The following LRRC32 variants were observed in gnomAD, a reference collection of about 807,000 sequenced individuals.
The protein encoded by LRRC32 is leucine rich repeat containing 32.
A neutral mutation model predicts 15.0 loss-of-function variants in LRRC32; 5 were observed. That is an observed-to-expected ratio of 0.33 (90% CI 0.17 to 0.70). LRRC32 has a LOEUF of 0.70. Ranked by LOEUF, LRRC32 falls within the 30% of genes least tolerant of loss-of-function variation. The pLI, the probability that LRRC32 is intolerant of heterozygous loss-of-function variation, is 0.66. For synonymous variants in LRRC32, 391 were observed against 403.9 expected (o/e 0.97, Z 0.38); for missense variants, 803 against 854.2 (o/e 0.94, Z 0.75).
At chr11:76,665,707 A>C in intron 2 of LRRC32, 164 bp downstream of exon 2, 2 of 474,958 alleles carry the variant, frequency 4.2e-6, no homozygotes, top group Non-Finnish European at 5.5e-6. Flanking sequence ...GACTGTGGGT[A>C]AATAAGGTGT....
In LRRC32 at chr11:76,659,963, G is replaced by T. The variant is rs369867819; in HGVS notation, c.1630C>A (p.Arg544=). ...GGCAGGAGGCTGAAGCTGTTGTTTC[G>T]CAGGTCCAGCACCTCCAGTGACACA... ...QAVSLEVLDL[R]NNSFSLLPGS... Residue 544 remains arginine (R), a synonymous_variant, in exon 3 of 3, where the codon CGA becomes AGA. Transcript: ENST00000260061. 1 of 1,614,040 alleles carries T rather than the reference G, an allele frequency of 6.2e-7. No homozygotes were observed. Among genetic ancestry groups the T allele is most frequent in the Non-Finnish European group, 8.5e-7 (1 of 1,180,048 alleles).
intron 1 of LRRC32, among the ~76,000 whole-genome samples, chr11:76,667,725 C>A (rs1952648327): frequency 6.6e-6 from 1 of 152,264 alleles, no homozygotes; most frequent in South Asian, 2.1e-4. Flanking sequence ...CCGGCAGGGC[C>A]TTCCAGGCCA....
At chr11:76,663,434 G>C (rs1590768059) in intron 2 of LRRC32, 1 of 152,232 alleles carries the variant, frequency 6.6e-6, no homozygotes, top group African/African-American at 2.4e-5. Flanking sequence ...AAGCCGGTGT[G>C]TTCCTCCCCT....
rs1260774734 is a variant in LRRC32, at chr11:76,661,427, G to A, written c.166C>T (p.Leu56=). The stretch of plus-strand genomic sequence containing the variant: ...ATACTCCGCAGCTGGTTCCCAGATA[G>A]ATCAAGGGTCTCAGTGTCTGGCGGG... ...VLPPDTETLD[L]SGNQLRSILA... is the part of the protein sequence containing the mutation. Residue 56 remains leucine, a synonymous_variant, in exon 3 of 3, where the codon CTA becomes TTA. Transcript: ENST00000260061. 6.8e-6 allele frequency: 11 copies of A among 1,614,022 alleles called. No homozygotes were observed. The highest frequency in any genetic ancestry group is 8.5e-6 in the Non-Finnish European group (10 of 1,179,920).
intron 2 of LRRC32, among the ~76,000 whole-genome samples, chr11:76,665,130 T>C (rs559251027): frequency 6.6e-6 from 1 of 152,342 alleles, no homozygotes; most frequent in Non-Finnish European, 1.5e-5. Flanking sequence ...ACAAGAACTT[T>C]AGGGCTAGTT....
In LRRC32 at chr11:76,661,440, A is replaced by G. The variant is rs1952530941; in HGVS notation, c.153T>C (p.Thr51=). The G allele has an allele frequency of 1.3e-6, 2 of 1,521,714 alleles. No individual in the cohort carries two copies. The highest frequency in any genetic ancestry group is 3.5e-5 in the Admixed American group (2 of 56,770). 94.3% of individuals were successfully genotyped at this position (1,521,714 alleles called of 1,614,324 possible). The stretch of plus-strand genomic sequence containing the variant: ...GGTTCCCAGATAGATCAAGGGTCTC[A>G]GTGTCTGGCGGGAGCACCGAGGGGA... ...LQVPSVLPPD[T]ETLDLSGNQL... Residue 51 remains threonine (T), a synonymous_variant, in exon 3 of 3, where the codon ACT becomes ACC. Coordinates refer to ENST00000260061, the MANE Select transcript of LRRC32 (RefSeq NM_001128922.2).
In LRRC32 at chr11:76,661,659, C is replaced by T. The variant is rs1332391316; in HGVS notation, c.85-151G>A. ...CAACTTTCCCCCACCGCAGCCTGAT[C>T]ACCCCATGCCTGGATGACCCATCCG... On this transcript the variant is annotated intron_variant, in intron 2 of 2. Coordinates refer to ENST00000260061, the MANE Select transcript of LRRC32 (RefSeq NM_001128922.2). 3.4e-5 allele frequency: 45 copies of T among 1,341,504 alleles called. 1 individual carries two copies. The highest frequency in any genetic ancestry group is 2.5e-5 in the East Asian group (1 of 39,542). The allele number at this position is 1,341,504 out of a possible 1,614,324, so 83.1% of individuals were successfully genotyped here.
Position 76,660,576 on chromosome 11 carries a change from G to C in LRRC32, c.1017C>G (p.Thr339=). ...TGCTGAGGTTCAGGAAGCACAGGGA[G>C]GTCAGGTGCTCAAGAAAGCTGTCGG... ...LIPDSFLEHL[T]SLCFLNLSRN... is the part of the protein sequence containing the mutation. Residue 339 remains threonine, a synonymous_variant, in exon 3 of 3, where the codon ACC becomes ACG. Transcript: ENST00000260061. 6.2e-7 allele frequency: 1 copy of C among 1,614,202 alleles called. No individual in the cohort carries two copies.
rs200264908 is a variant in LRRC32 at position 76,660,273 on chromosome 11, G to A, written c.1320C>T (p.Ser440=). 3.6e-4 allele frequency: 563 copies of A among 1,578,526 alleles called. 12 individuals are homozygous for A. The South Asian group carries it at 5.1e-3, about 14-fold the overall frequency. ...EPGPSGCVAF[S]GITSLRSLSL... ...TCAGGCTGCGGAGGGAGGTGATGCC[G>A]GAGAAGGCCACACAGCCGGAGGGGC... The change falls in exon 3 of 3, where the codon TCC becomes TCT. Residue 440 remains serine (S), a synonymous_variant. Coordinates refer to ENST00000260061, the MANE Select transcript of LRRC32 (RefSeq NM_001128922.2).
intron 1 of LRRC32, 89 bp from the exon 2 acceptor site, chr11:76,666,047 C>T: frequency 8.2e-7 from 1 of 1,215,164 alleles, no homozygotes; most frequent in Non-Finnish European, 1.2e-6. Context: ...TCTGTGCCTG[C>T]CCTCAGGGAA....
intron 2 of LRRC32, among the ~76,000 whole-genome samples, chr11:76,665,001 C>G (rs1273077809): frequency 1.3e-5 from 2 of 152,260 alleles, no homozygotes; most frequent in Non-Finnish European, 2.9e-5. Flanking sequence ...CTTCGAGTCT[C>G]AGGTCCAAGA....
chr11:76,661,895 A>T (rs1952541947), intron 2 of LRRC32, among the ~76,000 whole-genome samples: 1 of 152,232 alleles, frequency 6.6e-6, no homozygotes, highest in Non-Finnish European at 1.5e-5. Flanking sequence ...GCAGCAGGGC[A>T]GAGCTGGGAC....
At chr11:76,667,983 C>A (rs1201571058) in intron 1 of LRRC32, among the ~76,000 whole-genome samples, 1 of 152,276 alleles carries the variant, frequency 6.6e-6, no homozygotes, top group African/African-American at 2.4e-5. Flanking sequence ...TCCAGTCCTC[C>A]CAGAGCCCCT....
At chr11:76,669,782 A>G (rs1952683157) in intron 1 of LRRC32, 1 of 152,320 alleles carries the variant, frequency 6.6e-6, no homozygotes, top group Non-Finnish European at 1.5e-5. Flanking sequence ...ACAAGGAGAA[A>G]ATAGCAGGGT....
At chr11:76,666,385 C>A (rs1034567570) in intron 1 of LRRC32, among the ~76,000 whole-genome samples, 1 of 152,186 alleles carries the variant, frequency 6.6e-6, no homozygotes, top group African/African-American at 2.4e-5. Flanking sequence ...ACATTTCCAC[C>A]CAGGCCACAC....
Position 76,659,605 on chromosome 11 carries a change from T to C in LRRC32, c.1988A>G (p.Ter663=), listed in dbSNP as rs1403004717. 1.2e-6 allele frequency: 2 copies of C among 1,613,266 alleles called. No individual in the cohort carries two copies. Among genetic ancestry groups the C allele is most frequent in the African/African-American group, 2.7e-5 (2 of 74,926 alleles). The change falls in exon 3 of 3, where the codon TAA becomes TGA. Residue 663 remains the stop codon, a stop_retained_variant. Coordinates refer to ENST00000260061, the MANE Select transcript of LRRC32 (RefSeq NM_001128922.2). ...GACCTAGAGTGTCTCCCGGCTTCTT[T>C]AGGCTTTATACTGTTGGTTAAACTT... ...RQKFNQQYKA[*] is the part of the protein sequence containing the mutation.
Position 76,660,075 on chromosome 11 carries a change from C to G in LRRC32, c.1518G>C (p.Leu506=), listed in dbSNP as rs1565403187. 6.2e-7 allele frequency: 1 copy of G among 1,614,048 alleles called. No homozygotes were observed. The highest frequency in any genetic ancestry group is 1.7e-4 in the Middle Eastern group (1 of 6,010). Residue 506 remains leucine, a synonymous_variant, in exon 3 of 3, where the codon CTG becomes CTC. Transcript: ENST00000260061. ...AGATGAAGCAGGGCAGGTCCACCTG[C>G]AGGACCATCAGCCCGTTGCCCTGCA... ...LALQGNGLMV[L]QVDLPCFICL... is the part of the protein sequence containing the mutation.
rs1263025238 is a variant in LRRC32, at chr11:76,659,908, C to T, written c.1685G>A (p.Ser562Asn). The stretch of plus-strand genomic sequence containing the variant: ...CCCCTGCAGGTAGAGGCGCCGGAGG[C>T]TGGTCTCCAGGCCACCCATGGCACT... ...PGSAMGGLETSLRRLYLQGNP... is the reference protein window; with the variant it reads ...PGSAMGGLETNLRRLYLQGNP... The change falls in exon 3 of 3, where the codon AGC (serine) becomes AAC (asparagine). Residue 562 changes from serine (S) to asparagine (N), a missense_variant. Transcript: ENST00000260061. The T allele has an allele frequency of 6.2e-7, 1 of 1,613,836 alleles. No individual in the cohort carries two copies. The highest frequency in any genetic ancestry group is 8.5e-7 in the Non-Finnish European group (1 of 1,179,974).
At chr11:76,666,091 C>T (rs1241166911) in intron 1 of LRRC32, 133 bp from the exon 2 acceptor site, 4 of 781,924 alleles carry the variant, frequency 5.1e-6, no homozygotes, top group Non-Finnish European at 8.5e-6. Context: ...AATAAAGATG[C>T]TTTGAGCAGG....
Sources: allele counts gnomAD v4.1 joint callset (sites outside exome capture counted in the v4.1 genomes callset), GRCh38; gene constraint gnomAD v4.1.1; transcripts MANE v1.5; gene names NCBI Gene and HGNC (gene_info 2026-07-23, HGNC 2026-07-21).